Variants in CERS6 observed in about 807,000 individuals in gnomAD.
CERS6 encodes LAG1 homolog, ceramide synthase 6.
CERS6 carries 26 observed loss-of-function variants against 56.8 expected under a neutral mutation model. The observed-to-expected ratio is 0.46, with a 90% CI of 0.34 to 0.63. The LOEUF (loss-of-function observed/expected upper bound fraction) is 0.63, where lower values mean the gene tolerates loss of function less well. Ranked by LOEUF, CERS6 falls within the 30% of genes least tolerant of loss-of-function variation. CERS6 has a pLI of 0.01. For synonymous variants in CERS6, 164 were observed against 173.3 expected, an observed-to-expected ratio of 0.95 and a Z score of 0.42; for missense variants, 415 against 467.5, an observed-to-expected ratio of 0.89 and a Z score of 1.04.
chr2:168,537,990 G>C (rs903652663), intron 1 of CERS6, among the ~76,000 whole-genome samples: 11 of 152,120 alleles, frequency 7.2e-5, no homozygotes, highest in African/African-American at 2.7e-4. Context: ...CAGTCTGTCA[G>C]TGGATCCTGT....
At chr2:168,552,349 T>TACACAC (rs56340726) in intron 2 of CERS6, among the ~76,000 whole-genome samples, 3,807 of 139,984 alleles carry the variant, frequency 0.027, 65 homozygotes, top group Middle Eastern at 0.084. Flanking sequence ...ATACAGAGTA[T>TACACAC]ACACACACAC....
intron 8 of CERS6, among the ~76,000 whole-genome samples, chr2:168,721,833 T>C (rs148148338): frequency 0.011 from 1,619 of 152,126 alleles, 18 homozygotes; most frequent in Middle Eastern, 0.044. Flanking sequence ...TTGCTTAGGC[T>C]AGTCTTGAAC....
At chr2:168,613,640 T>G (rs1224443244) in intron 3 of CERS6, among the ~76,000 whole-genome samples, 1 of 152,236 alleles carries the variant, frequency 6.6e-6, no homozygotes, top group East Asian at 1.9e-4. Flanking sequence ...GATCACCCTG[T>G]GAGTATCATA....
intron 1 of CERS6, among the ~76,000 whole-genome samples, chr2:168,471,157 G>A (rs1693970800): frequency 6.6e-6 from 1 of 152,168 alleles, no homozygotes; most frequent in Non-Finnish European, 1.5e-5. Context: ...TTTGCCTAGT[G>A]CTTTCACATC....
At chr2:168,533,171 G>T (rs1053727785) in intron 1 of CERS6, among the ~76,000 whole-genome samples, 1 of 152,142 alleles carries the variant, frequency 6.6e-6, no homozygotes, top group African/African-American at 2.4e-5. Flanking sequence ...TGTATATCTT[G>T]CATTGATTTT....
intron 9 of CERS6, among the ~76,000 whole-genome samples, chr2:168,767,998 A>G (rs1684764525): frequency 1.3e-5 from 2 of 152,244 alleles, no homozygotes; most frequent in African/African-American, 4.8e-5. Context: ...AATGCTTACC[A>G]TAATTTAGAC....
At chr2:168,655,455 A>G (rs890854559) in intron 4 of CERS6, among the ~76,000 whole-genome samples, 15 of 152,230 alleles carry the variant, frequency 9.9e-5, no homozygotes, top group Admixed American at 3.3e-4. Context: ...ATTATTTACA[A>G]TAGCCAAGAT....
intron 2 of CERS6, among the ~76,000 whole-genome samples, chr2:168,553,424 A>G (rs1246895174): frequency 6.6e-6 from 1 of 152,164 alleles, no homozygotes; most frequent in Non-Finnish European, 1.5e-5. Flanking sequence ...ACATTGTTAA[A>G]GTTGCTGGAC....
chr2:168,518,966 C>T (rs1408372491), intron 1 of CERS6, among the ~76,000 whole-genome samples: 1 of 152,146 alleles, frequency 6.6e-6, no homozygotes, highest in Non-Finnish European at 1.5e-5. Flanking sequence ...CCCAACCTGG[C>T]TGCACACTGG....
chr2:168,721,450 C>T (rs1349592924), intron 8 of CERS6, among the ~76,000 whole-genome samples: 1 of 151,740 alleles, frequency 6.6e-6, no homozygotes. Context: ...CACACATTTT[C>T]AGTTTTCATA....
At chr2:168,551,615 A>G (rs1020164826) in intron 2 of CERS6, among the ~76,000 whole-genome samples, 2 of 152,188 alleles carry the variant, frequency 1.3e-5, no homozygotes, top group Non-Finnish European at 2.9e-5. Context: ...TAATCATGTA[A>G]ATCATTCAGT....
chr2:168,587,987 C>T (rs1840167), intron 3 of CERS6, among the ~76,000 whole-genome samples: 100,654 of 151,908 alleles, frequency 0.66, 38,288 homozygotes, highest in South Asian at 0.88. Flanking sequence ...AATGCAGTGG[C>T]GCAGTTATAG....
intron 3 of CERS6, among the ~76,000 whole-genome samples, chr2:168,562,673 C>T (rs11901904): frequency 0.9 from 137,690 of 152,248 alleles, 62,356 homozygotes; most frequent in South Asian, 0.97. Context: ...CATAGGGCAG[C>T]TTTTCTCCTA....
chr2:168,767,879 T>A (rs891371084), intron 9 of CERS6, among the ~76,000 whole-genome samples: 2 of 152,198 alleles, frequency 1.3e-5, no homozygotes, highest in Non-Finnish European at 2.9e-5. Context: ...AGGACCAGAT[T>A]GGGAAAATTC....
chr2:168,626,677 G>A (rs1401138457), intron 3 of CERS6, among the ~76,000 whole-genome samples: 2 of 152,134 alleles, frequency 1.3e-5, no homozygotes, highest in Non-Finnish European at 2.9e-5. Context: ...TTGAGAGAGG[G>A]CTTTAGAGTC....
intron 4 of CERS6, among the ~76,000 whole-genome samples, chr2:168,657,487 G>T (rs907349638): frequency 8.2e-4 from 125 of 152,380 alleles, no homozygotes; most frequent in South Asian, 1.4e-3. Context: ...CGTGGAGCAG[G>T]GGGTGGAGCT....
chr2:168,731,453 AT>A (rs1459449094), intron 8 of CERS6, among the ~76,000 whole-genome samples: 2 of 152,192 alleles, frequency 1.3e-5, no homozygotes, highest in Non-Finnish European at 2.9e-5. Flanking sequence ...GAGTATTTCC[AT>A]TAATCAAGAT....
At chr2:168,534,726 G>C (rs1234478558) in intron 1 of CERS6, among the ~76,000 whole-genome samples, 1 of 152,160 alleles carries the variant, frequency 6.6e-6, no homozygotes, top group Non-Finnish European at 1.5e-5. Flanking sequence ...GGAACAACAG[G>C]ACCCGTTTAA....
At chr2:168,584,188 A>G (rs1683486305) in intron 3 of CERS6, among the ~76,000 whole-genome samples, 1 of 152,200 alleles carries the variant, frequency 6.6e-6, no homozygotes. Flanking sequence ...AGATGCAGGT[A>G]TTGCTCATTC....
Sources: allele counts gnomAD v4.1 joint callset (sites outside exome capture counted in the v4.1 genomes callset), GRCh38; gene constraint gnomAD v4.1.1; transcripts MANE v1.5; gene names NCBI Gene and HGNC (gene_info 2026-07-23, HGNC 2026-07-21).